CFAP299: variants seen among roughly 807,000 people sequenced by gnomAD.
The protein encoded by CFAP299 is cilia- and flagella-associated protein 299.
Under a neutral mutation model 27.0 loss-of-function variants are expected in CFAP299, and 21 were observed. That is an observed-to-expected ratio of 0.78 (90% CI 0.55 to 1.12). The LOEUF is 1.12. Ranked by LOEUF, CFAP299 falls within the 50% of genes most tolerant of loss-of-function variation. The pLI is 0.00. For missense variants in CFAP299, 310 were observed against 276.6 expected, an observed-to-expected ratio of 1.12 and a Z score of -0.86; for synonymous variants, 104 against 98.1, an observed-to-expected ratio of 1.06 and a Z score of -0.36.
intron 3 of CFAP299, among the ~76,000 whole-genome samples, chr4:80,603,415 T>C (rs1250944427): frequency 3.3e-5 from 5 of 152,160 alleles, no homozygotes; most frequent in Admixed American, 6.6e-5. Context: ...TGTACATATA[T>C]GCCTACACAT....
At chr4:80,357,863 T>G (rs949342251) in intron 1 of CFAP299, among the ~76,000 whole-genome samples, 3 of 152,194 alleles carry the variant, frequency 2.0e-5, no homozygotes, top group African/African-American at 7.2e-5. Context: ...GGTTATTTCT[T>G]GTCTTCTGCT....
intron 2 of CFAP299, among the ~76,000 whole-genome samples, chr4:80,382,495 AC>A (rs1350171771): frequency 2.0e-5 from 3 of 152,218 alleles, no homozygotes; most frequent in Admixed American, 1.3e-4. Context: ...ATTTACAAGA[AC>A]AAAACAAGCC....
intron 3 of CFAP299, among the ~76,000 whole-genome samples, chr4:80,728,105 A>G (rs1322849366): frequency 2.6e-5 from 4 of 151,896 alleles, no homozygotes; most frequent in Non-Finnish European, 2.9e-5. Flanking sequence ...ATGTTTTCCA[A>G]CTGGGTTGGA....
chr4:80,417,897 T>C (rs1727094527), intron 2 of CFAP299, among the ~76,000 whole-genome samples: 1 of 152,138 alleles, frequency 6.6e-6, no homozygotes, highest in African/African-American at 2.4e-5. Context: ...CATTTCTCCC[T>C]TCCAGAGGAA....
At chr4:80,884,784 A>C (rs1349248147) in intron 4 of CFAP299, among the ~76,000 whole-genome samples, 5 of 152,156 alleles carry the variant, frequency 3.3e-5, no homozygotes. Context: ...AAGATGGCAG[A>C]ATAGAACCCT....
At chr4:80,667,470 C>A (rs187291013) in intron 3 of CFAP299, among the ~76,000 whole-genome samples, 1 of 152,054 alleles carries the variant, frequency 6.6e-6, no homozygotes, top group African/African-American at 2.4e-5. Flanking sequence ...ATTCATTAAT[C>A]AACCTCTCTT....
chr4:80,644,053 G>A (rs1739860648), intron 3 of CFAP299, among the ~76,000 whole-genome samples: 1 of 152,014 alleles, frequency 6.6e-6, no homozygotes, highest in Non-Finnish European at 1.5e-5. Context: ...TCCACCCTGG[G>A]GAATACTGTG....
chr4:80,826,121 A>G (rs1265189565), intron 3 of CFAP299, among the ~76,000 whole-genome samples: 2 of 151,838 alleles, frequency 1.3e-5, no homozygotes, highest in African/African-American at 2.4e-5. Flanking sequence ...CAGTTTTTGC[A>G]TATCATTGAA....
intron 2 of CFAP299, among the ~76,000 whole-genome samples, chr4:80,384,178 A>G (rs1468776620): frequency 2.0e-5 from 3 of 152,144 alleles, no homozygotes; most frequent in African/African-American, 7.2e-5. Context: ...GCACACAAAT[A>G]CATCAAAGAT....
the CFAP299 span, among the ~76,000 whole-genome samples, chr4:80,330,703 T>C: frequency 1.3e-5 from 2 of 152,226 alleles, no homozygotes; most frequent in Non-Finnish European, 2.9e-5. Context: ...GAATTCTGAC[T>C]TGTGCTGTTA....
chr4:80,597,580 G>A (rs530146106), intron 3 of CFAP299, among the ~76,000 whole-genome samples: 4 of 152,164 alleles, frequency 2.6e-5, no homozygotes, highest in South Asian at 4.1e-4. Context: ...ATGTTTCTAC[G>A]CTGTTTAAGA....
At chr4:80,743,509 G>A (rs993015612) in intron 3 of CFAP299, among the ~76,000 whole-genome samples, 11 of 152,060 alleles carry the variant, frequency 7.2e-5, no homozygotes, top group Non-Finnish European at 1.0e-4. Context: ...ATATTACATT[G>A]AATCTTAAAT....
At chr4:80,754,885 G>A (rs1418446250) in intron 3 of CFAP299, among the ~76,000 whole-genome samples, 1 of 152,088 alleles carries the variant, frequency 6.6e-6, no homozygotes, top group Non-Finnish European at 1.5e-5. Context: ...ACTCTCCAGT[G>A]AGTTCAGGAA....
At chr4:80,400,623 C>G (rs557939404) in intron 2 of CFAP299, among the ~76,000 whole-genome samples, 1 of 152,240 alleles carries the variant, frequency 6.6e-6, no homozygotes, top group African/African-American at 2.4e-5. Flanking sequence ...GTGGAATTGT[C>G]CGTCCAATTA....
At chr4:80,838,164 C>T (rs917108951) in intron 3 of CFAP299, among the ~76,000 whole-genome samples, 3 of 151,972 alleles carry the variant, frequency 2.0e-5, no homozygotes, top group Non-Finnish European at 2.9e-5. Context: ...GGATATTAGC[C>T]CTTTGTCAGA....
chr4:80,897,604 T>A (rs1052005445), intron 4 of CFAP299, among the ~76,000 whole-genome samples: 1 of 152,114 alleles, frequency 6.6e-6, no homozygotes, highest in Non-Finnish European at 1.5e-5. Context: ...AGCTGCAGCC[T>A]CTACCACAAT....
chr4:80,946,093 G>A (rs1357643260), intron 5 of CFAP299, among the ~76,000 whole-genome samples: 10 of 138,804 alleles, frequency 7.2e-5, no homozygotes, highest in South Asian at 2.2e-4. Context: ...GCAGAACTCC[G>A]TCTCAAAAAA....
intron 3 of CFAP299, among the ~76,000 whole-genome samples, chr4:80,721,459 A>C (rs1578057564): frequency 6.6e-6 from 1 of 152,208 alleles, no homozygotes; most frequent in East Asian, 1.9e-4. Context: ...TTCCCTCTGT[A>C]GCTTTGTGTG....
At chr4:80,736,681 G>A (rs1268573919) in intron 3 of CFAP299, among the ~76,000 whole-genome samples, 2 of 152,206 alleles carry the variant, frequency 1.3e-5, no homozygotes, top group African/African-American at 2.4e-5. Context: ...TGGAGAGGAT[G>A]TGGAGAAATA....
Sources: allele counts gnomAD v4.1 joint callset (sites outside exome capture counted in the v4.1 genomes callset), GRCh38; gene constraint gnomAD v4.1.1; transcripts MANE v1.5; gene names NCBI Gene and HGNC (gene_info 2026-07-23, HGNC 2026-07-21).